The following DBH variants were observed in gnomAD, a reference collection of about 807,000 sequenced individuals.
DBH encodes dopamine beta-hydroxylase.
In DBH, 49 loss-of-function variants were observed where a neutral mutation model predicts 64.0. The ratio of observed to expected loss-of-function variants is 0.77; its 90% CI spans 0.61 to 0.97. DBH has a LOEUF of 0.97. DBH is among the 50% of genes least tolerant of loss of function. DBH has a pLI of 0.00. For synonymous variants in DBH, 343 were observed against 347.1 expected (o/e 0.99, Z 0.13); for missense variants, 828 against 826.6 (o/e 1.00, Z -0.02).
intron 11 of DBH, 182 bp downstream of exon 11, chr9:133,657,411 GAGAGGAGA>G (rs1832339700): frequency 4.7e-5 from 2 of 42,940 alleles, no homozygotes; most frequent in African/African-American, 4.6e-4. Flanking sequence ...AGAGAGAGGA[GAGAGGAGA>G]GAGAGGAGAG....
At chr9:133,656,765 C>A (rs1832327018) in intron 10 of DBH, 115 bp downstream of exon 10, 1 of 1,339,980 alleles carries the variant, frequency 7.5e-7, no homozygotes. Context: ...GGAGCAGAGA[C>A]CTGTGGCGGC....
chr9:133,658,315 G>A lies in DBH; in HGVS notation c.1723-1G>A. The stretch of plus-strand genomic sequence containing the variant: ...TTTACCTCCTGCCCCCTTCCTTGCA[G>A]GGTGAATGGAACCTGCAGCCCCTGC... On this transcript the variant is annotated splice_acceptor_variant, in intron 11 of 11. Coordinates refer to ENST00000393056, the MANE Select transcript of DBH (RefSeq NM_000787.4). LOFTEE classifies it high-confidence loss of function. 2 of 1,613,904 alleles carry A rather than the reference G, an allele frequency of 1.2e-6. No individual in the cohort carries two copies. The highest frequency in any genetic ancestry group is 1.1e-5 in the South Asian group (1 of 91,044).
chr9:133,650,459 C>CTTTTTCT (rs200207629), intron 6 of DBH, among the ~76,000 whole-genome samples: 1 of 148,948 alleles, frequency 6.7e-6, no homozygotes, highest in African/African-American at 2.6e-5. Context: ...TCTTTCCTTT[C>CTTTTTCT]TTTTCTTTTT....
At chr9:133,652,144 C>T (rs904264924) in intron 7 of DBH, 102 bp from the exon 8 acceptor site, 41 of 1,375,332 alleles carry the variant, frequency 3.0e-5, no homozygotes, top group Non-Finnish European at 4.0e-5. Flanking sequence ...ATGGACACCC[C>T]CAGAGGTCAG....
intron 8 of DBH, 120 bp downstream of exon 8, chr9:133,652,404 C>A: frequency 8.0e-7 from 1 of 1,251,332 alleles, no homozygotes; most frequent in Non-Finnish European, 1.1e-6. Flanking sequence ...GAGAGCCATC[C>A]AGGGCAGGGG....
chr9:133,644,433 C>T, intron 5 of DBH, 113 bp downstream of exon 5: 1 of 861,072 alleles, frequency 1.2e-6, no homozygotes, highest in East Asian at 2.6e-5. Context: ...TGTACAGCTC[C>T]TCTTGGCACG....
rs563244565 is a variant in DBH, at chr9:133,643,084, C to A, written c.745-329C>A. Among the ~76,000 whole-genome samples, 18 of 152,298 alleles carry A rather than the reference C, an allele frequency of 1.2e-4. No individual in the cohort carries two copies. Among genetic ancestry groups the A allele is most frequent in the African/African-American group, 3.8e-4 (16 of 41,572 alleles). ...CATGGCCTTGAAGGTGCGCTTTGGG[C>A]CCGGGCTCTAACCTCAGGGCTGCCC... is the stretch of plus-strand genomic sequence containing the variant. On this transcript the variant is annotated intron_variant, in intron 3 of 11. Transcript: ENST00000393056. This position sits in a 1 kb window ranked among gnomAD's most constrained non-coding sequence, Gnocchi z 5.3.
At chr9:133,642,074 TC>T in intron 2 of DBH, 132 bp from the exon 3 acceptor site, 1 of 1,271,880 alleles carries the variant, frequency 7.9e-7, no homozygotes, top group Non-Finnish European at 1.1e-6. Flanking sequence ...GCCTCAAGGG[TC>T]CCTTATTCAC....
chr9:133,642,825 G>A (rs951545689), intron 3 of DBH, among the ~76,000 whole-genome samples: 9 of 152,194 alleles, frequency 5.9e-5, no homozygotes, highest in South Asian at 2.1e-4. Context: ...TCGAACACCC[G>A]TCCGGGGAAG....
chr9:133,644,442 C>A, intron 5 of DBH, 122 bp downstream of exon 5: 1 of 817,856 alleles, frequency 1.2e-6, no homozygotes, highest in Non-Finnish European at 2.1e-6. Context: ...CCTCTTGGCA[C>A]GAGGCCCTTG....
At position 133,643,476 on chromosome 9, in the gene DBH, G is replaced by A. The variant is rs766166337; in HGVS notation, c.808G>A (p.Ala270Thr). ...CCACCACATGGAAGTCTTCCAGTGCGCCCCCGAGATGGACAGCGTCCCCCA... is the reference window on the plus strand; with the variant it reads ...CCACCACATGGAAGTCTTCCAGTGCACCCCCGAGATGGACAGCGTCCCCCA... Reference protein sequence around the residue: ...LVHHMEVFQCAPEMDSVPHFS... With the variant: ...LVHHMEVFQCTPEMDSVPHFS... Residue 270 changes from alanine (A) to threonine (T), a missense_variant, in exon 4 of 12, where the codon GCC becomes ACC. Coordinates refer to ENST00000393056, the MANE Select transcript of DBH (RefSeq NM_000787.4). This position sits in a 1 kb window ranked among gnomAD's most constrained non-coding sequence, Gnocchi z 5.3. 24 of 1,613,344 alleles carry A rather than the reference G, an allele frequency of 1.5e-5. No individual in the cohort carries two copies. The highest frequency in any genetic ancestry group is 1.6e-4 in the Middle Eastern group (1 of 6,084).
intron 11 of DBH, among the ~76,000 whole-genome samples, chr9:133,657,484 G>A (rs1293872202): frequency 6.7e-6 from 1 of 148,540 alleles, no homozygotes; most frequent in Non-Finnish European, 1.5e-5. Context: ...GAGAGGGAGA[G>A]AGGAGAGAGA....
chr9:133,658,533 GGA>G lies in DBH; in HGVS notation c.*87_*88del. On this transcript the variant is annotated 3_prime_UTR_variant, in exon 12 of 12. Transcript: ENST00000393056. ...CACTCTACTCTGCGACGATCCCCAT[GGA>G]ACAGCCCTGCACGCCCAGGATGAAG... 7.0e-7 allele frequency: 1 copy of G among 1,422,538 alleles called. No homozygotes were observed. Among genetic ancestry groups the G allele is most frequent in the Non-Finnish European group, 9.4e-7 (1 of 1,066,398 alleles). The allele number at this position is 1,422,538 out of a possible 1,614,324, so 88.1% of individuals were successfully genotyped here. A position where few individuals can be genotyped will look rare whatever the true frequency, so the allele number is the denominator to read the frequency against.
Position 133,652,981 on chromosome 9 carries a change from C to T in DBH, c.1416C>T (p.Asp472=). The change falls in exon 9 of 12, where the codon GAC becomes GAT. Residue 472 remains aspartate (D), a synonymous_variant. Transcript: ENST00000393056. ...LITSCTYNTE[D]RELATVGGFG... ...CCTCCTGCACGTACAACACAGAAGA[C>T]CGGGAGCTGGCCACAGTGGTAAGTC... 6.2e-7 allele frequency: 1 copy of T among 1,613,448 alleles called. No homozygotes were observed. The highest frequency in any genetic ancestry group is 8.5e-7 in the Non-Finnish European group (1 of 1,179,648).
rs770407025 is a variant in DBH at position 133,652,974 on chromosome 9, C to A, written c.1409C>A (p.Thr470Lys). 1.9e-6 allele frequency: 3 copies of A among 1,613,506 alleles called. No individual in the cohort carries two copies. The highest frequency in any genetic ancestry group is 2.5e-6 in the Non-Finnish European group (3 of 1,179,690). ...DVLITSCTYNTEDRELATVGG... is the reference protein window; with the variant it reads ...DVLITSCTYNKEDRELATVGG... ...CTCATCACCTCCTGCACGTACAACACAGAAGACCGGGAGCTGGCCACAGTG... is the reference window on the plus strand; with the variant it reads ...CTCATCACCTCCTGCACGTACAACAAAGAAGACCGGGAGCTGGCCACAGTG... The change falls in exon 9 of 12, where the codon ACA (threonine) becomes AAA (lysine). Residue 470 changes from threonine (T) to lysine (K), a missense_variant. Transcript: ENST00000393056.
At chr9:133,637,961 T>C (rs551338017) in intron 1 of DBH, among the ~76,000 whole-genome samples, 1 of 152,392 alleles carries the variant, frequency 6.6e-6, no homozygotes, top group East Asian at 1.9e-4. Context: ...GTCAGCCGTC[T>C]GGAGGAGCAG....
At chr9:133,653,710 G>T (rs761533145) in intron 9 of DBH, among the ~76,000 whole-genome samples, 3 of 152,214 alleles carry the variant, frequency 2.0e-5, no homozygotes, top group African/African-American at 4.8e-5. Context: ...ACAGTTCAAG[G>T]AGAATCTGCA....
Position 133,657,060 on chromosome 9 carries a change from T to TC in DBH, c.1563-6dup, listed in dbSNP as rs1564215290. 1.9e-6 allele frequency: 3 copies of TC among 1,613,676 alleles called. No individual in the cohort carries two copies. The Admixed American group carries it at 5.0e-5, about 27-fold the overall frequency. On this transcript the variant is annotated splice_polypyrimidine_tract_variant and intron_variant, in intron 10 of 11. Coordinates refer to ENST00000393056, the MANE Select transcript of DBH (RefSeq NM_000787.4). The stretch of plus-strand genomic sequence containing the variant: ...TGCTCCCCAGCCTGGCTGTTCCTTG[T>TC]CCCCACCAGGTTCAACAACGAGGAT...
In DBH at chr9:133,643,402, C is replaced by G. The variant is rs747676430; in HGVS notation, c.745-11C>G. ...GCCGGTTCCCGGGCTCAGAGGGCTG[C>G]CTCCTCACAGTACGAGCCCATCGTC... On this transcript the variant is annotated splice_polypyrimidine_tract_variant and intron_variant, in intron 3 of 11. Transcript: ENST00000393056. This position sits in a 1 kb window ranked among gnomAD's most constrained non-coding sequence, Gnocchi z 5.3. 7 of 1,613,680 alleles carry G rather than the reference C, an allele frequency of 4.3e-6. No individual in the cohort carries two copies. The highest frequency in any genetic ancestry group is 5.9e-6 in the Non-Finnish European group (7 of 1,179,964).
Sources: gnomAD v4.1 joint callset for allele counts (sites outside exome capture counted in the v4.1 genomes callset) on GRCh38, gnomAD v4.1.1 for gene constraint, Gnocchi (gnomAD v3.1) non-coding constraint, MANE v1.5 for transcripts, NCBI Gene and HGNC (gene_info 2026-07-23, HGNC 2026-07-21) for gene names.